Variants in ZFPM2 observed in about 807,000 individuals in gnomAD.
ZFPM2 encodes zinc finger protein ZFPM2.
A neutral mutation model predicts 98.6 loss-of-function variants in ZFPM2; 20 were observed. That is an observed-to-expected ratio of 0.20 (90% CI 0.14 to 0.29). The LOEUF is 0.29. Among genes scored for constraint, ZFPM2 ranks in the 10% least tolerant of loss-of-function variants. The pLI, the probability that ZFPM2 is intolerant of heterozygous loss-of-function variation, is 1.00. For synonymous variants in ZFPM2, 518 were observed against 502.7 expected, an observed-to-expected ratio of 1.03 and a Z score of -0.41; for missense variants, 1,310 against 1,388.6, an observed-to-expected ratio of 0.94 and a Z score of 0.90.
At chr8:105,422,448 A>AAATAAT (rs35747182) in intron 2 of ZFPM2, among the ~76,000 whole-genome samples, 20 of 151,376 alleles carry the variant, frequency 1.3e-4, no homozygotes, top group East Asian at 7.9e-4. Flanking sequence ...CTCAAAAAGA[A>AAATAAT]AATAATAATA....
chr8:105,455,146 A>G (rs555018651), intron 3 of ZFPM2, among the ~76,000 whole-genome samples: 2 of 152,352 alleles, frequency 1.3e-5, no homozygotes, highest in East Asian at 3.9e-4. Context: ...CTCAACAAGT[A>G]ATGCAAATAT....
At chr8:105,508,249 G>C (rs184921747) in intron 3 of ZFPM2, among the ~76,000 whole-genome samples, 185 of 152,212 alleles carry the variant, frequency 1.2e-3, no homozygotes, top group African/African-American at 4.2e-3. Flanking sequence ...AGTCCAACCA[G>C]TAACAGTTTC....
At chr8:105,402,436 G>T (rs1044078540) in intron 1 of ZFPM2, among the ~76,000 whole-genome samples, 4 of 151,690 alleles carry the variant, frequency 2.6e-5, no homozygotes, top group Non-Finnish European at 4.4e-5. Flanking sequence ...CCTATTCAAT[G>T]GTATCTGAAA....
intron 3 of ZFPM2, among the ~76,000 whole-genome samples, chr8:105,486,830 C>G (rs549215212): frequency 6.6e-6 from 1 of 152,144 alleles, no homozygotes; most frequent in Admixed American, 6.5e-5. Flanking sequence ...TTTGATTATA[C>G]TTTTTTCCTC....
At chr8:105,517,420 T>G (rs1813947773) in intron 3 of ZFPM2, among the ~76,000 whole-genome samples, 1 of 152,172 alleles carries the variant, frequency 6.6e-6, no homozygotes, top group South Asian at 2.1e-4. Context: ...CAAATAAAAA[T>G]TATATGTATT....
At chr8:105,549,518 T>TCTTCCTTCCGTCCTTCCTTC (rs1814793724) in intron 3 of ZFPM2, among the ~76,000 whole-genome samples, 1 of 48,472 alleles carries the variant, frequency 2.1e-5, no homozygotes, top group Non-Finnish European at 3.6e-5. Context: ...CTCCCTCCCA[T>TCTTCCTTCCGTCCTTCCTTC]CTTCCTTCCT....
intron 3 of ZFPM2, among the ~76,000 whole-genome samples, chr8:105,501,085 T>C (rs1286803444): frequency 6.6e-6 from 1 of 152,184 alleles, no homozygotes; most frequent in Non-Finnish European, 1.5e-5. Context: ...TTCCAATTTG[T>C]AGTGCCCAAC....
At chr8:105,375,616 G>A (rs1178075652) in intron 1 of ZFPM2, among the ~76,000 whole-genome samples, 2 of 152,092 alleles carry the variant, frequency 1.3e-5, no homozygotes, top group African/African-American at 4.8e-5. Context: ...TTCACCAGTT[G>A]AGTAGTGAAG....
chr8:105,435,125 C>T (rs145529694), intron 2 of ZFPM2, among the ~76,000 whole-genome samples: 191 of 152,242 alleles, frequency 1.3e-3, no homozygotes, highest in African/African-American at 4.1e-3. Flanking sequence ...TTATATTGCT[C>T]AATAACACCT....
At chr8:105,614,142 TA>T in intron 4 of ZFPM2, among the ~76,000 whole-genome samples, 1 of 152,288 alleles carries the variant, frequency 6.6e-6, no homozygotes, top group African/African-American at 2.4e-5. Context: ...CACAGATCAT[TA>T]TTTTTTTCCA....
At chr8:105,649,331 A>T (rs547550759) in intron 5 of ZFPM2, among the ~76,000 whole-genome samples, 30 of 152,204 alleles carry the variant, frequency 2.0e-4, no homozygotes, top group East Asian at 1.4e-3. Flanking sequence ...GCAAACAGGG[A>T]CAATTTGACT....
At chr8:105,718,813 A>G (rs1466030456) in intron 5 of ZFPM2, among the ~76,000 whole-genome samples, 2 of 151,842 alleles carry the variant, frequency 1.3e-5, no homozygotes, top group Admixed American at 6.6e-5. Context: ...ATTACATGCA[A>G]TCCCCGTGTC....
intron 1 of ZFPM2, among the ~76,000 whole-genome samples, chr8:105,399,782 T>G (rs1208937836): frequency 6.6e-6 from 1 of 152,240 alleles, no homozygotes; most frequent in Non-Finnish European, 1.5e-5. Flanking sequence ...TTTTTTTTGT[T>G]TTGAGACGAA....
chr8:105,567,696 A>G (rs1367129426), intron 4 of ZFPM2, among the ~76,000 whole-genome samples: 5 of 152,184 alleles, frequency 3.3e-5, no homozygotes, highest in African/African-American at 1.2e-4. Flanking sequence ...TTGAGATTCT[A>G]GAGGACATAG....
chr8:105,758,376 C>G (rs1253887760), intron 5 of ZFPM2, among the ~76,000 whole-genome samples: 2 of 152,106 alleles, frequency 1.3e-5, no homozygotes, highest in Non-Finnish European at 2.9e-5. Context: ...TTATTCCACA[C>G]ACAATAGTAG....
intron 5 of ZFPM2, chr8:105,670,146 T>G (rs1325762284): frequency 6.6e-6 from 1 of 152,048 alleles, no homozygotes; most frequent in Middle Eastern, 3.2e-3. Flanking sequence ...AACTGCAACA[T>G]ATATAGATTG....
At chr8:105,634,142 G>T (rs1187293095) in intron 4 of ZFPM2, 104 bp from the exon 5 acceptor site, 14 of 833,892 alleles carry the variant, frequency 1.7e-5, no homozygotes, top group Admixed American at 9.7e-5. Flanking sequence ...TTATGGTTTG[G>T]GAGATTTAGT....
intron 1 of ZFPM2, among the ~76,000 whole-genome samples, chr8:105,413,482 T>TTATA (rs200856542): frequency 0.014 from 2,009 of 139,956 alleles, 17 homozygotes; most frequent in African/African-American, 0.027. Context: ...AATTCAAACA[T>TTATA]TATATATATA....
intron 3 of ZFPM2, among the ~76,000 whole-genome samples, chr8:105,445,423 A>G (rs964041673): frequency 6.6e-6 from 1 of 152,126 alleles, no homozygotes; most frequent in Admixed American, 6.6e-5. Flanking sequence ...ACCACATTTT[A>G]AGAGTTTGAA....
Sources: allele counts gnomAD v4.1 joint callset (sites outside exome capture counted in the v4.1 genomes callset), GRCh38; gene constraint gnomAD v4.1.1; transcripts MANE v1.5; gene names NCBI Gene and HGNC (gene_info 2026-07-23, HGNC 2026-07-21).